The following CSMD1 variants were observed in gnomAD, a reference collection of about 807,000 sequenced individuals.
CSMD1 encodes CUB and Sushi multiple domains 1, also known as CUB and sushi domain-containing protein 1.
In CSMD1, 213 loss-of-function variants were observed where a neutral mutation model predicts 417.5. The ratio of observed to expected loss-of-function variants is 0.51; its 90% CI spans 0.46 to 0.57. CSMD1 has a LOEUF of 0.57. CSMD1 is among the 20% of genes least tolerant of loss of function. The probability of loss-of-function intolerance (pLI) is 0.00; values close to 1 mark genes in which losing one functional copy is unlikely to be tolerated. For missense variants in CSMD1, 6,923 were observed against 4,529.7 expected (o/e 1.53, Z -15.17); for synonymous variants, 2,862 against 1,736.8 (o/e 1.65, Z -16.11).
At chr8:4,902,661 T>C (rs1229181590) in intron 1 of CSMD1, among the ~76,000 whole-genome samples, 2 of 152,158 alleles carry the variant, frequency 1.3e-5, no homozygotes, top group Non-Finnish European at 1.5e-5. Context: ...TGGCATATAC[T>C]TTAATCATTT....
intron 10 of CSMD1, among the ~76,000 whole-genome samples, chr8:3,568,424 G>C (rs554508545): frequency 6.6e-6 from 1 of 152,068 alleles, no homozygotes; most frequent in Non-Finnish European, 1.5e-5. Context: ...CAAAGAAAAA[G>C]AAAACTAAAC....
chr8:4,343,808 G>C (rs934390318), intron 3 of CSMD1, among the ~76,000 whole-genome samples: 2 of 152,084 alleles, frequency 1.3e-5, no homozygotes, highest in African/African-American at 4.8e-5. Flanking sequence ...ATGTGGAACA[G>C]TTCTGATGAG....
At chr8:3,550,838 T>C (rs1316628059) in intron 10 of CSMD1, among the ~76,000 whole-genome samples, 3 of 152,146 alleles carry the variant, frequency 2.0e-5, no homozygotes, top group Admixed American at 6.5e-5. Context: ...AGTAAATATA[T>C]GGGTAAATAG....
chr8:3,507,871 A>C (rs948006417), intron 10 of CSMD1, among the ~76,000 whole-genome samples: 1 of 151,632 alleles, frequency 6.6e-6, no homozygotes, highest in Non-Finnish European at 1.5e-5. Context: ...TTTTTCTTGC[A>C]AATTTGTTTG....
intron 7 of CSMD1, among the ~76,000 whole-genome samples, chr8:3,707,323 G>A (rs1452026492): frequency 6.6e-6 from 1 of 152,176 alleles, no homozygotes; most frequent in Non-Finnish European, 1.5e-5. Context: ...ACCCGAGAGG[G>A]TTCAGATGTC....
At chr8:3,492,818 G>C (rs1408456500) in intron 11 of CSMD1, among the ~76,000 whole-genome samples, 6 of 152,032 alleles carry the variant, frequency 3.9e-5, no homozygotes, top group African/African-American at 7.3e-5. Flanking sequence ...GGTACACTGA[G>C]TCACCCCCAA....
At chr8:3,763,261 G>A (rs1013752629) in intron 5 of CSMD1, among the ~76,000 whole-genome samples, 2 of 152,040 alleles carry the variant, frequency 1.3e-5, no homozygotes, top group Non-Finnish European at 2.9e-5. Context: ...CTTATACTTC[G>A]GATATTTTGT....
At chr8:3,595,453 T>C (rs893184709) in intron 8 of CSMD1, among the ~76,000 whole-genome samples, 2 of 152,222 alleles carry the variant, frequency 1.3e-5, no homozygotes, top group Admixed American at 1.3e-4. Context: ...TAAGGCAGTT[T>C]AACACCACTA....
chr8:3,096,001 T>C (rs1016990312), intron 47 of CSMD1, among the ~76,000 whole-genome samples: 1 of 152,178 alleles, frequency 6.6e-6, no homozygotes, highest in Non-Finnish European at 1.5e-5. Context: ...GAAATCTCTG[T>C]GAGCCATGAT....
chr8:3,661,548 G>A (rs150910364), intron 7 of CSMD1, among the ~76,000 whole-genome samples: 108 of 152,138 alleles, frequency 7.1e-4, no homozygotes, highest in African/African-American at 2.5e-3. Context: ...CCAGGCTGCA[G>A]TGCGGTGGCA....
intron 10 of CSMD1, among the ~76,000 whole-genome samples, chr8:3,509,650 C>G (rs1023254299): frequency 6.6e-6 from 1 of 152,162 alleles, no homozygotes; most frequent in South Asian, 2.1e-4. Flanking sequence ...TATAAGATAT[C>G]ATCAACCTAA....
intron 6 of CSMD1, among the ~76,000 whole-genome samples, chr8:3,738,556 C>G (rs1178324935): frequency 6.6e-6 from 1 of 152,162 alleles, no homozygotes; most frequent in African/African-American, 2.4e-5. Context: ...ATGCCCTTCC[C>G]TTTTCAGGGC....
chr8:4,644,868 C>T (rs1010203343), intron 1 of CSMD1, among the ~76,000 whole-genome samples: 1 of 152,170 alleles, frequency 6.6e-6, no homozygotes, highest in African/African-American at 2.4e-5. Context: ...ATAGTGCCTG[C>T]TAGTTGACAT....
At chr8:3,824,667 G>C (rs567977142) in intron 5 of CSMD1, among the ~76,000 whole-genome samples, 60 of 152,122 alleles carry the variant, frequency 3.9e-4, no homozygotes, top group Non-Finnish European at 6.5e-4. Flanking sequence ...TATATATTGA[G>C]TTAATGATGT....
At chr8:3,745,368 G>C (rs181759514) in intron 6 of CSMD1, among the ~76,000 whole-genome samples, 1 of 152,286 alleles carries the variant, frequency 6.6e-6, no homozygotes, top group South Asian at 2.1e-4. Flanking sequence ...AGACTGAGCT[G>C]ACCAGCAGGA....
At chr8:4,086,739 G>A (rs771643493) in intron 3 of CSMD1, among the ~76,000 whole-genome samples, 2 of 152,182 alleles carry the variant, frequency 1.3e-5, no homozygotes, top group Non-Finnish European at 2.9e-5. Context: ...AAGTATTATT[G>A]AGTTTCTGGT....
chr8:3,997,642 A>G (rs1480140206), intron 5 of CSMD1, among the ~76,000 whole-genome samples: 1 of 152,196 alleles, frequency 6.6e-6, no homozygotes, highest in Non-Finnish European at 1.5e-5. Flanking sequence ...TTGCTTTAAA[A>G]CAGTCCAAAA....
At chr8:4,944,061 G>C (rs919481118) in intron 1 of CSMD1, among the ~76,000 whole-genome samples, 4 of 152,184 alleles carry the variant, frequency 2.6e-5, no homozygotes, top group African/African-American at 4.8e-5. Flanking sequence ...AAGTGAGGAA[G>C]ATGTTTGATA....
chr8:3,906,352 C>G (rs888220324), intron 5 of CSMD1, among the ~76,000 whole-genome samples: 1 of 152,006 alleles, frequency 6.6e-6, no homozygotes, highest in Non-Finnish European at 1.5e-5. Flanking sequence ...CCAAGTATAC[C>G]TGAGTCACCT....
Sources: allele counts gnomAD v4.1 joint callset (sites outside exome capture counted in the v4.1 genomes callset), GRCh38; gene constraint gnomAD v4.1.1; transcripts MANE v1.5; gene names NCBI Gene and HGNC (gene_info 2026-07-23, HGNC 2026-07-21).